Variants in ARHGAP6 observed in about 807,000 individuals in gnomAD.
ARHGAP6 encodes the protein rho GTPase-activating protein 6.
A neutral mutation model predicts 55.7 loss-of-function variants in ARHGAP6; 16 were observed. The observed-to-expected ratio is 0.29, with a 90% confidence interval of 0.19 to 0.44. The LOEUF is 0.44. Ranked by LOEUF, ARHGAP6 falls within the 20% of genes least tolerant of loss-of-function variation. ARHGAP6 has a pLI of 1.00. For synonymous variants in ARHGAP6, 382 were observed against 360.9 expected, an observed-to-expected ratio of 1.06 and a Z score of -0.66; for missense variants, 698 against 808.9, an observed-to-expected ratio of 0.86 and a Z score of 1.66.
At chrX:11,518,443 C>G (rs1349675795) in intron 1 of ARHGAP6, among the ~76,000 whole-genome samples, 1 of 103,213 alleles carries the variant, frequency 9.7e-6, no homozygotes, top group Non-Finnish European at 2.0e-5. Context: ...TGTGCCTGGC[C>G]CAATTTTCTT....
chrX:11,656,416 CA>C (rs1206536448), intron 1 of ARHGAP6, among the ~76,000 whole-genome samples: 2 of 112,309 alleles, frequency 1.8e-5, no homozygotes, highest in African/African-American at 6.5e-5. Flanking sequence ...TAGCATAAAA[CA>C]ACTGACATAT....
intron 10 of ARHGAP6, 98 bp downstream of exon 10, chrX:11,156,431 T>C: frequency 1.3e-6 from 1 of 757,031 alleles, no homozygotes; most frequent in African/African-American, 2.1e-5. Context: ...CCACTTCAGG[T>C]CACCCTGCAT....
chrX:11,560,579 A>G (rs2051375244), intron 1 of ARHGAP6, among the ~76,000 whole-genome samples: 1 of 112,094 alleles, frequency 8.9e-6, no homozygotes, highest in South Asian at 3.8e-4. Flanking sequence ...TACCATACCC[A>G]GTTTTGTGGG....
rs953912280 is a variant in ARHGAP6, at chrX:11,304,777, C to CTTTTT, written c.589-50075_589-50071dup. Among the ~76,000 whole-genome samples the CTTTTT allele has an allele frequency of 5.8e-4, 29 of 50,283 alleles. 5 individuals carry two copies. The highest frequency in any genetic ancestry group is 7.4e-4 in the Non-Finnish European group (20 of 27,111). 43.7% of individuals were successfully genotyped at this position (50,283 alleles called of 115,157 possible). On this transcript the variant is annotated intron_variant, in intron 1 of 12. Transcript: ENST00000337414. ...AAGGATTTCATTTTTCTTTCTTTTA[C>CTTTTT]TTTTTTTTTTTTTTTTTTTTTTTTT... is the stretch of plus-strand genomic sequence containing the variant.
chrX:11,632,061 G>A (rs748982101), intron 1 of ARHGAP6, among the ~76,000 whole-genome samples: 14 of 111,676 alleles, frequency 1.3e-4, no homozygotes, highest in Non-Finnish European at 1.5e-4. Context: ...TAAATATGAT[G>A]TAAATGTTCT....
chrX:11,299,550 G>T (rs1178221941), intron 1 of ARHGAP6, among the ~76,000 whole-genome samples: 1 of 112,197 alleles, frequency 8.9e-6, no homozygotes, highest in African/African-American at 3.2e-5. Context: ...TTCTATAGAT[G>T]ATTAAGCTTT....
chrX:11,476,106 T>TC (rs2050401453), intron 1 of ARHGAP6, among the ~76,000 whole-genome samples: 1 of 110,008 alleles, frequency 9.1e-6, no homozygotes, highest in African/African-American at 3.3e-5. Context: ...CTTTTTTTTT[T>TC]CCCAGAAAAG....
rs192393871 is a variant in ARHGAP6 at position 11,170,950 on chromosome X, C to T, written c.1630-1266G>A. On this transcript the variant is annotated intron_variant, in intron 8 of 12. Coordinates refer to ENST00000337414, the MANE Select transcript of ARHGAP6 (RefSeq NM_013427.3). The stretch of plus-strand genomic sequence containing the variant: ...GGCAGAGGGTCATCGAGATGTGACC[C>T]TTCCCTCCAGAATGGACTCTCTGAT... 4.1e-3 allele frequency among the ~76,000 whole-genome samples: 459 copies of T among 111,010 alleles called. 4 individuals carry two copies. Among genetic ancestry groups the T allele is most frequent in the Non-Finnish European group, 4.8e-3 (257 of 52,997 alleles).
chrX:11,421,336 T>C (rs1002804212), intron 1 of ARHGAP6, among the ~76,000 whole-genome samples: 33 of 112,260 alleles, frequency 2.9e-4, no homozygotes, highest in African/African-American at 1.0e-3. Flanking sequence ...AACTCCTTGT[T>C]GGGTTGTGTT....
chrX:11,431,661 C>T (rs1304526054), intron 1 of ARHGAP6, among the ~76,000 whole-genome samples: 1 of 112,234 alleles, frequency 8.9e-6, no homozygotes, highest in Non-Finnish European at 1.9e-5. Flanking sequence ...CTATGCCATC[C>T]TATTGTCCTG....
chrX:11,281,237 A>G (rs868097120), intron 1 of ARHGAP6, among the ~76,000 whole-genome samples: 17 of 111,044 alleles, frequency 1.5e-4, no homozygotes, highest in South Asian at 1.1e-3. Context: ...TGCTACAAAA[A>G]TACAGAATAG....
At chrX:11,435,119 T>C (rs746757052) in intron 1 of ARHGAP6, among the ~76,000 whole-genome samples, 10 of 111,830 alleles carry the variant, frequency 8.9e-5, no homozygotes, top group Non-Finnish European at 1.7e-4. Flanking sequence ...ATCTACTAGG[T>C]AGAGGCCAGA....
chrX:11,219,799 G>C (rs1188163939), intron 2 of ARHGAP6, among the ~76,000 whole-genome samples: 11 of 98,898 alleles, frequency 1.1e-4, no homozygotes, highest in Non-Finnish European at 1.8e-4. Flanking sequence ...CCCTTTGTCA[G>C]ATGAGTAGGT....
intron 1 of ARHGAP6, among the ~76,000 whole-genome samples, chrX:11,488,936 G>A (rs559984728): frequency 4.3e-4 from 48 of 111,797 alleles, no homozygotes; most frequent in Admixed American, 3.1e-3. Context: ...TCAACTCAAC[G>A]TTAAGCATTT....
intron 2 of ARHGAP6, among the ~76,000 whole-genome samples, chrX:11,239,536 C>T (rs1371705315): frequency 4.5e-5 from 5 of 111,400 alleles, no homozygotes; most frequent in African/African-American, 1.6e-4. Context: ...AGCCTGTTTG[C>T]TGGAAAGGGA....
At chrX:11,381,813 T>C (rs2049266463) in intron 1 of ARHGAP6, among the ~76,000 whole-genome samples, 1 of 112,282 alleles carries the variant, frequency 8.9e-6, no homozygotes, top group South Asian at 3.7e-4. Context: ...ACCACTTTTG[T>C]ATACAAGGTC....
chrX:11,233,927 A>G (rs1271122869), intron 2 of ARHGAP6, among the ~76,000 whole-genome samples: 1 of 112,516 alleles, frequency 8.9e-6, no homozygotes, highest in Non-Finnish European at 1.9e-5. Context: ...TGTTGACTCA[A>G]CTTAGGAAAT....
intron 1 of ARHGAP6, among the ~76,000 whole-genome samples, chrX:11,631,934 T>A (rs1200049026): frequency 8.9e-6 from 1 of 111,946 alleles, no homozygotes; most frequent in African/African-American, 3.2e-5. Context: ...TGTACAAAAA[T>A]GCATGTATGA....
At chrX:11,367,128 A>G (rs1274485325) in intron 1 of ARHGAP6, among the ~76,000 whole-genome samples, 1 of 112,253 alleles carries the variant, frequency 8.9e-6, no homozygotes, top group Non-Finnish European at 1.9e-5. Flanking sequence ...AATTCGCAGC[A>G]AAGTTGCCTA....
Sources: gnomAD v4.1 joint callset for allele counts (sites outside exome capture counted in the v4.1 genomes callset) on GRCh38, gnomAD v4.1.1 for gene constraint, MANE v1.5 for transcripts, NCBI Gene and HGNC (gene_info 2026-07-23, HGNC 2026-07-21) for gene names.